MYT1L: variants seen among roughly 807,000 people sequenced by gnomAD.
The protein encoded by MYT1L is myelin transcription factor 1 like, also known as myelin transcription factor 1-like protein.
Under a neutral mutation model 126.7 loss-of-function variants are expected in MYT1L, and 12 were observed. That is an observed-to-expected ratio of 0.09 (90% CI 0.06 to 0.15). The LOEUF is 0.15. Among genes scored for constraint, MYT1L ranks in the 10% least tolerant of loss-of-function variants. The pLI is 1.00. For synonymous variants in MYT1L, 541 were observed against 604.2 expected (o/e 0.90, Z 1.53); for missense variants, 979 against 1,585.2 (o/e 0.62, Z 6.49).
intron 2 of MYT1L, among the ~76,000 whole-genome samples, chr2:2,280,530 C>A (rs752505717): frequency 6.6e-6 from 1 of 152,176 alleles, no homozygotes; most frequent in Non-Finnish European, 1.5e-5. Flanking sequence ...TTCTTCTATC[C>A]GCCCTTGTGC....
rs1159422293 is a variant in MYT1L, at chr2:1,791,485, T to C, written c.*382A>G. 3.0e-6 allele frequency: 1 copy of C among 336,340 alleles called. No homozygotes were observed. Among genetic ancestry groups the C allele is most frequent in the East Asian group, 7.7e-5 (1 of 12,954 alleles). The allele number at this position is 336,340 out of a possible 1,614,324, so 20.8% of individuals were successfully genotyped here. A position where few individuals can be genotyped will look rare whatever the true frequency, so the allele number is the denominator to read the frequency against. ...GTGGGTCTGTGTGTGCGTGTGTGTG[T>C]TTGTGTGTCCATTTCAGTTCAAAAT... On this transcript the variant is annotated 3_prime_UTR_variant, in exon 25 of 25. Coordinates refer to ENST00000647738, the MANE Select transcript of MYT1L (RefSeq NM_001303052.2). The surrounding 1 kb of genome is among the most constrained non-coding windows in gnomAD (Gnocchi z 6.0).
chr2:1,948,478 CT>C (rs146058969), intron 8 of MYT1L, among the ~76,000 whole-genome samples: 1,817 of 152,342 alleles, frequency 0.012, 25 homozygotes, highest in Non-Finnish European at 0.018. Context: ...GCTCGAGGCC[CT>C]GCTTAAATCA....
intron 22 of MYT1L, among the ~76,000 whole-genome samples, chr2:1,803,622 G>T (rs2035220526): frequency 6.6e-6 from 1 of 152,206 alleles, no homozygotes; most frequent in Non-Finnish European, 1.5e-5. Flanking sequence ...AGTGATGGAT[G>T]GGTGGATATT....
chr2:2,047,055 G>A (rs1297129613), intron 4 of MYT1L, among the ~76,000 whole-genome samples: 5 of 152,134 alleles, frequency 3.3e-5, no homozygotes, highest in African/African-American at 7.2e-5. Flanking sequence ...ATGCTAATAC[G>A]CCACTACGTT....
At chr2:2,245,900 C>T (rs971168596) in intron 2 of MYT1L, among the ~76,000 whole-genome samples, 13 of 152,082 alleles carry the variant, frequency 8.5e-5, no homozygotes, top group Non-Finnish European at 1.3e-4. Context: ...CTGAAGCACA[C>T]GGGTGGCCTC....
At chr2:1,978,758 G>C (rs2060369833) in intron 8 of MYT1L, among the ~76,000 whole-genome samples, 1 of 152,270 alleles carries the variant, frequency 6.6e-6, no homozygotes, top group African/African-American at 2.4e-5. Flanking sequence ...GGAGTCTACA[G>C]ACAGGTCAGC....
At chr2:2,121,465 G>A (rs889120387) in intron 3 of MYT1L, among the ~76,000 whole-genome samples, 61 of 151,654 alleles carry the variant, frequency 4.0e-4, no homozygotes, top group African/African-American at 1.4e-3. Flanking sequence ...ATGAGCCACC[G>A]CCCTCAACCT....
chr2:1,942,055 G>A (rs1367872531), intron 9 of MYT1L, among the ~76,000 whole-genome samples: 1 of 152,116 alleles, frequency 6.6e-6, no homozygotes, highest in African/African-American at 2.4e-5. Context: ...AAGAACTTTT[G>A]AGCCCAAGGG....
intron 21 of MYT1L, among the ~76,000 whole-genome samples, chr2:1,812,373 T>G (rs2036799064): frequency 6.6e-6 from 1 of 152,248 alleles, no homozygotes; most frequent in Non-Finnish European, 1.5e-5. Context: ...CACTTTTTTG[T>G]TCACTGCTCT....
At chr2:1,836,828 G>GC (rs1558703186) in intron 21 of MYT1L, among the ~76,000 whole-genome samples, 1 of 152,028 alleles carries the variant, frequency 6.6e-6, no homozygotes, top group African/African-American at 2.4e-5. Flanking sequence ...ATCAGCCTGT[G>GC]CCCCCAAGTT....
chr2:2,132,649 G>A (rs183775836), intron 3 of MYT1L, among the ~76,000 whole-genome samples: 2 of 152,234 alleles, frequency 1.3e-5, no homozygotes, highest in Non-Finnish European at 2.9e-5. Context: ...TAGATGATGG[G>A]TTGGTAAGTG....
chr2:2,273,513 ACCAG>A (rs2095305120), intron 2 of MYT1L, among the ~76,000 whole-genome samples: 1 of 152,194 alleles, frequency 6.6e-6, no homozygotes, highest in Non-Finnish European at 1.5e-5. Context: ...CCTCCTAAGG[ACCAG>A]TCTTTGGCCT....
intron 4 of MYT1L, among the ~76,000 whole-genome samples, chr2:2,021,828 C>T (rs367741886): frequency 3.3e-5 from 5 of 152,006 alleles, no homozygotes; most frequent in East Asian, 3.9e-4. Context: ...ACCCGGGTGG[C>T]GGAGCTTGCA....
intron 5 of MYT1L, among the ~76,000 whole-genome samples, chr2:1,988,876 T>C (rs2061255682): frequency 6.6e-6 from 1 of 152,228 alleles, no homozygotes; most frequent in East Asian, 1.9e-4. Flanking sequence ...TCTTCTTATT[T>C]CCATGTCTGG....
In MYT1L at chr2:1,801,777, G is replaced by T. The variant is rs1289911606; in HGVS notation, c.3195C>A (p.Ile1065=). Residue 1065 remains isoleucine, a synonymous_variant, in exon 23 of 25, where the codon ATC becomes ATA. Transcript: ENST00000647738. The surrounding 1 kb of genome is among the most constrained non-coding windows in gnomAD (Gnocchi z 4.2). ...CCTTGATTTCTTCATCTAACTGTTT[G>T]ATTTCTTCATCATTTTCTATACCTG... is the stretch of plus-strand genomic sequence containing the variant. ...ASNGIENDEE[I]KQLDEEIKEL... is the part of the protein sequence containing the mutation. 3.1e-6 allele frequency: 5 copies of T among 1,606,170 alleles called. No homozygotes were observed. Among genetic ancestry groups the T allele is most frequent in the African/African-American group, 2.7e-5 (2 of 74,802 alleles).
intron 3 of MYT1L, among the ~76,000 whole-genome samples, chr2:2,137,025 A>T (rs1479983037): frequency 6.6e-6 from 1 of 152,170 alleles, no homozygotes; most frequent in African/African-American, 2.4e-5. Flanking sequence ...AAAAATCACA[A>T]GCATTCTTAT....
intron 18 of MYT1L, among the ~76,000 whole-genome samples, chr2:1,872,984 G>A (rs1263259383): frequency 6.6e-6 from 1 of 152,222 alleles, no homozygotes; most frequent in East Asian, 1.9e-4. Flanking sequence ...AAGCCAGGGA[G>A]TGAAGCCAGC....
intron 2 of MYT1L, among the ~76,000 whole-genome samples, chr2:2,181,648 C>T (rs1001008085): frequency 1.3e-4 from 20 of 152,126 alleles, no homozygotes; most frequent in Admixed American, 7.2e-4. Flanking sequence ...CACGTGGAAG[C>T]GCTTTGTCTT....
chr2:2,115,834 C>G (rs1381259153), intron 3 of MYT1L, among the ~76,000 whole-genome samples: 4 of 151,876 alleles, frequency 2.6e-5, no homozygotes, highest in African/African-American at 7.3e-5. Context: ...TCGACGAAAA[C>G]AGGACGAGCC....
Sources: allele counts gnomAD v4.1 joint callset (sites outside exome capture counted in the v4.1 genomes callset), GRCh38; gene constraint gnomAD v4.1.1; non-coding constraint Gnocchi (gnomAD v3.1); transcripts MANE v1.5; gene names NCBI Gene and HGNC (gene_info 2026-07-23, HGNC 2026-07-21).